ZNF804A: variants seen among roughly 807,000 people sequenced by gnomAD.
The protein encoded by ZNF804A is zinc finger protein 804A.
A neutral mutation model predicts 16.5 loss-of-function variants in ZNF804A; 2 were observed. That is an observed-to-expected ratio of 0.12 (90% CI 0.05 to 0.38). ZNF804A has a LOEUF of 0.38. Ranked by LOEUF, ZNF804A falls within the 10% of genes least tolerant of loss-of-function variation. The pLI is 0.99. For synonymous variants in ZNF804A, 534 were observed against 489.6 expected, an observed-to-expected ratio of 1.09 and a Z score of -1.20; for missense variants, 1,473 against 1,390.7, an observed-to-expected ratio of 1.06 and a Z score of -0.94.
chr2:184,737,355 C>T (rs1327794378), intron 1 of ZNF804A, among the ~76,000 whole-genome samples: 1 of 152,122 alleles, frequency 6.6e-6, no homozygotes, highest in Non-Finnish European at 1.5e-5. Flanking sequence ...GCCACTGCGA[C>T]CGGCTTTACT....
At chr2:184,666,656 A>G (rs1444389400) in intron 1 of ZNF804A, among the ~76,000 whole-genome samples, 1 of 152,070 alleles carries the variant, frequency 6.6e-6, no homozygotes. Flanking sequence ...ATTGTGTGCT[A>G]TCATCTCAGG....
intron 1 of ZNF804A, among the ~76,000 whole-genome samples, chr2:184,804,657 G>A (rs1044630140): frequency 2.0e-5 from 3 of 152,134 alleles, no homozygotes; most frequent in East Asian, 3.9e-4. Context: ...CAAAAGACAA[G>A]TGTTACAGAA....
At chr2:184,738,143 A>G (rs1693659794) in intron 1 of ZNF804A, among the ~76,000 whole-genome samples, 1 of 151,246 alleles carries the variant, frequency 6.6e-6, no homozygotes, top group South Asian at 2.1e-4. Flanking sequence ...AAAAAAAAAG[A>G]AAATATCAGA....
In ZNF804A at chr2:184,792,965, C is replaced by T. The variant is rs184613707; in HGVS notation, c.112-73404C>T. 6.8e-4 allele frequency among the ~76,000 whole-genome samples: 104 copies of T among 152,106 alleles called. 1 individual carries two copies. Among genetic ancestry groups the T allele is most frequent in the Non-Finnish European group, 2.9e-5 (2 of 67,992 alleles). ...TAGCAGTCCACAGTGTCTATTGTTC[C>T]CCAATTTATGTACATATGTGCTTGT... On this transcript the variant is annotated intron_variant, in intron 1 of 3. Coordinates refer to ENST00000302277, the MANE Select transcript of ZNF804A (RefSeq NM_194250.2).
chr2:184,661,800 C>T (rs1280184083), intron 1 of ZNF804A, among the ~76,000 whole-genome samples: 3 of 152,136 alleles, frequency 2.0e-5, no homozygotes, highest in Non-Finnish European at 4.4e-5. Context: ...TAATCTGTCT[C>T]ATCACTCTCA....
At position 184,669,324 on chromosome 2, in the gene ZNF804A, G is replaced by A. The variant is rs542303226; in HGVS notation, c.111+70254G>A. ...CATACAAGTGAGATTCTTATATAGT[G>A]TATAATTATTTGTTGTTTATGGTTC... On this transcript the variant is annotated intron_variant, in intron 1 of 3. Transcript: ENST00000302277. Among the ~76,000 whole-genome samples the A allele has an allele frequency of 4.0e-4, 61 of 152,084 alleles. 2 individuals carry two copies. In the South Asian group the frequency reaches 0.011, roughly 28 times the overall value.
At chr2:184,677,473 T>A (rs1350249654) in intron 1 of ZNF804A, among the ~76,000 whole-genome samples, 1 of 151,902 alleles carries the variant, frequency 6.6e-6, no homozygotes, top group African/African-American at 2.4e-5. Context: ...ATAGAACAGA[T>A]CTTGAAAATT....
At chr2:184,924,920 A>G (rs779304328) in intron 2 of ZNF804A, among the ~76,000 whole-genome samples, 1 of 151,144 alleles carries the variant, frequency 6.6e-6, no homozygotes, top group Non-Finnish European at 1.5e-5. Context: ...TATTATTTCA[A>G]TTTTTTTTGA....
intron 1 of ZNF804A, among the ~76,000 whole-genome samples, chr2:184,638,298 A>G (rs1691735426): frequency 6.6e-6 from 1 of 152,206 alleles, no homozygotes; most frequent in Non-Finnish European, 1.5e-5. Flanking sequence ...TTCAAAATTC[A>G]CATTTATATG....
intron 1 of ZNF804A, among the ~76,000 whole-genome samples, chr2:184,612,863 T>G (rs1041694010): frequency 1.3e-5 from 2 of 152,224 alleles, no homozygotes; most frequent in African/African-American, 2.4e-5. Context: ...GACAATCTAT[T>G]TCCATATTAT....
chr2:184,754,232 T>C (rs1156692758), intron 1 of ZNF804A, among the ~76,000 whole-genome samples: 3 of 151,898 alleles, frequency 2.0e-5, no homozygotes, highest in Admixed American at 6.6e-5. Context: ...TATTGACAGA[T>C]ATTGTGCAGT....
chr2:184,665,550 T>A (rs576665613), intron 1 of ZNF804A, among the ~76,000 whole-genome samples: 12 of 152,338 alleles, frequency 7.9e-5, no homozygotes, highest in Admixed American at 4.6e-4. Flanking sequence ...TATCTCACAG[T>A]TCTGTAGGTC....
At chr2:184,692,692 A>G (rs755175923) in intron 1 of ZNF804A, among the ~76,000 whole-genome samples, 2 of 152,182 alleles carry the variant, frequency 1.3e-5, no homozygotes, top group East Asian at 3.9e-4. Context: ...CCATAAGGGT[A>G]TTTAATTATT....
intron 1 of ZNF804A, among the ~76,000 whole-genome samples, chr2:184,813,060 G>C (rs1694925348): frequency 6.6e-6 from 1 of 152,064 alleles, no homozygotes; most frequent in African/African-American, 2.4e-5. Context: ...ATCATCTGTG[G>C]AACTACATGG....
intron 1 of ZNF804A, among the ~76,000 whole-genome samples, chr2:184,740,673 T>G (rs902524826): frequency 1.3e-5 from 2 of 152,150 alleles, no homozygotes; most frequent in Admixed American, 6.5e-5. Flanking sequence ...GTAATTTAGT[T>G]AGTAAATTTA....
chr2:184,644,058 A>C (rs1691836313), intron 1 of ZNF804A, among the ~76,000 whole-genome samples: 1 of 151,938 alleles, frequency 6.6e-6, no homozygotes, highest in East Asian at 1.9e-4. Context: ...CAGGTGAATC[A>C]TGTTAATTCA....
chr2:184,892,350 C>A (rs1432513125), intron 2 of ZNF804A, among the ~76,000 whole-genome samples: 3 of 152,024 alleles, frequency 2.0e-5, no homozygotes, highest in African/African-American at 7.2e-5. Context: ...TAGAGAAAAA[C>A]AAGGGTAATG....
At chr2:184,872,922 G>C (rs1423263400) in intron 2 of ZNF804A, among the ~76,000 whole-genome samples, 1 of 152,148 alleles carries the variant, frequency 6.6e-6, no homozygotes, top group African/African-American at 2.4e-5. Context: ...ACAGAATATA[G>C]AGCTGTGACA....
At chr2:184,906,283 T>C (rs1202213622) in intron 2 of ZNF804A, among the ~76,000 whole-genome samples, 1 of 152,028 alleles carries the variant, frequency 6.6e-6, no homozygotes, top group Non-Finnish European at 1.5e-5. Context: ...AGAAATGCAT[T>C]TCCATTTCTT....
Sources: gnomAD v4.1 joint callset for allele counts (sites outside exome capture counted in the v4.1 genomes callset) on GRCh38, gnomAD v4.1.1 for gene constraint, MANE v1.5 for transcripts, NCBI Gene and HGNC (gene_info 2026-07-23, HGNC 2026-07-21) for gene names.